The following ZC3H12B variants were observed in gnomAD, a reference collection of about 807,000 sequenced individuals.
ZC3H12B encodes the protein probable ribonuclease ZC3H12B.
In ZC3H12B, 7 loss-of-function variants were observed where a neutral mutation model predicts 43.9. The observed-to-expected ratio is 0.16, with a 90% CI of 0.09 to 0.30. ZC3H12B has a LOEUF of 0.30. Ranked by LOEUF, ZC3H12B falls within the 10% of genes least tolerant of loss-of-function variation. The pLI, the probability that ZC3H12B is intolerant of heterozygous loss-of-function variation, is 1.00. For missense variants in ZC3H12B, 475 were observed against 670.2 expected (o/e 0.71, Z 3.22); for synonymous variants, 222 against 241.7 (o/e 0.92, Z 0.76).
the ZC3H12B span, among the ~76,000 whole-genome samples, chrX:65,118,883 A>T: frequency 9.9e-6 from 1 of 100,604 alleles, no homozygotes; most frequent in South Asian, 4.9e-4. Context: ...CTCACCTATG[A>T]GTGAGAACAT....
chrX:65,476,988 AT>A (rs3065468), intron 3 of ZC3H12B, among the ~76,000 whole-genome samples: 2,662 of 90,524 alleles, frequency 0.029, 44 homozygotes, highest in Middle Eastern at 0.07. Context: ...CTCCTGACTA[AT>A]TTTTTTTTTT....
At chrX:65,349,861 A>T in the ZC3H12B span, among the ~76,000 whole-genome samples, 3 of 112,107 alleles carry the variant, frequency 2.7e-5, no homozygotes, top group African/African-American at 9.7e-5. Context: ...GCATTAATTC[A>T]TAGCCTAACA....
At chrX:65,045,498 A>C in the ZC3H12B span, among the ~76,000 whole-genome samples, 1 of 112,010 alleles carries the variant, frequency 8.9e-6, no homozygotes, top group Admixed American at 9.5e-5. Context: ...GCAACTCCTC[A>C]TCCATTATTG....
intron 2 of ZC3H12B, among the ~76,000 whole-genome samples, chrX:65,384,802 T>C (rs2066498528): frequency 8.9e-6 from 1 of 112,182 alleles, no homozygotes; most frequent in Non-Finnish European, 1.9e-5. Flanking sequence ...AGACTGAAGA[T>C]ACAGGGATGG....
chrX:65,219,079 G>A, the ZC3H12B span, among the ~76,000 whole-genome samples: 25,618 of 110,811 alleles, frequency 0.23, 7,178 homozygotes, highest in African/African-American at 0.8. Flanking sequence ...AATAGCAGTC[G>A]CTGCAGTTTG....
the ZC3H12B span, among the ~76,000 whole-genome samples, chrX:65,110,827 G>A: frequency 1.8e-5 from 2 of 111,082 alleles, no homozygotes; most frequent in African/African-American, 6.5e-5. Context: ...AGGGAAAATT[G>A]ACATATTTCT....
chrX:65,440,441 C>T (rs189579057), intron 3 of ZC3H12B, among the ~76,000 whole-genome samples: 292 of 112,288 alleles, frequency 2.6e-3, no homozygotes, highest in African/African-American at 8.3e-3. Context: ...GCAGTGAATA[C>T]CTCAATTACA....
chrX:65,158,910 A>G, the ZC3H12B span, among the ~76,000 whole-genome samples: 4 of 112,006 alleles, frequency 3.6e-5, no homozygotes, highest in Non-Finnish European at 5.6e-5. Context: ...TTTTAGGTCT[A>G]ACATTTAAGT....
intron 3 of ZC3H12B, among the ~76,000 whole-genome samples, chrX:65,402,451 C>T (rs753901676): frequency 2.7e-5 from 3 of 111,284 alleles, no homozygotes; most frequent in South Asian, 7.7e-4. Context: ...ATTATAGAGT[C>T]CCAGGGCCTT....
intron 2 of ZC3H12B, among the ~76,000 whole-genome samples, chrX:65,391,517 C>A (rs369559354): frequency 9.0e-4 from 100 of 110,602 alleles, no homozygotes; most frequent in African/African-American, 3.0e-3. Context: ...ATGTCAGGTC[C>A]CTGGTTGACT....
the ZC3H12B span, among the ~76,000 whole-genome samples, chrX:65,209,790 C>G: frequency 9.7e-6 from 1 of 102,910 alleles, no homozygotes; most frequent in South Asian, 4.5e-4. Flanking sequence ...TGATCTTTGA[C>G]AAACCTGAGA....
At chrX:65,365,710 G>A (rs759867240), upstream of ZC3H12B, among the ~76,000 whole-genome samples, 7 of 111,245 alleles carry the variant, frequency 6.3e-5, no homozygotes, top group South Asian at 1.9e-3. Context: ...CCTGTGACTT[G>A]CACGTATACA....
At chrX:65,151,438 G>T in the ZC3H12B span, among the ~76,000 whole-genome samples, 8 of 111,809 alleles carry the variant, frequency 7.2e-5, no homozygotes, top group East Asian at 1.7e-3. Flanking sequence ...CAAAATTATT[G>T]TATGTGACAT....
the ZC3H12B span, among the ~76,000 whole-genome samples, chrX:65,080,515 T>A: frequency 9.0e-6 from 1 of 111,091 alleles, no homozygotes. Context: ...CAATGGAATG[T>A]CAAAATATCT....
the ZC3H12B span, among the ~76,000 whole-genome samples, chrX:65,102,994 G>C: frequency 1.2e-3 from 138 of 111,700 alleles, no homozygotes; most frequent in African/African-American, 4.5e-3. Flanking sequence ...CAGGAGCGGG[G>C]TGAAATTAGA....
intron 3 of ZC3H12B, among the ~76,000 whole-genome samples, chrX:65,446,357 C>T (rs2067376360): frequency 8.9e-6 from 1 of 111,924 alleles, no homozygotes; most frequent in Non-Finnish European, 1.9e-5. Context: ...CCGCTGGTGT[C>T]TTACTGGGTC....
rs868837874 is a variant in ZC3H12B at position 65,462,572 on chromosome X, G to T, written n.408-26074G>T. Among the ~76,000 whole-genome samples, 7 of 111,942 alleles carry T rather than the reference G, an allele frequency of 6.3e-5. 1 individual carries two copies. Among genetic ancestry groups the T allele is most frequent in the Non-Finnish European group, 9.4e-5 (5 of 53,173 alleles). ...ATACATTAAAAGTAATGTTTTATTT[G>T]CTCAGAGAACTTAAAAGACATCCCT... On this transcript the variant is annotated intron_variant and non_coding_transcript_variant, in intron 3 of 5. Coordinates refer to the ZC3H12B transcript ENST00000617377.
the ZC3H12B span, among the ~76,000 whole-genome samples, chrX:65,095,715 A>G: frequency 2.7e-5 from 3 of 111,979 alleles, no homozygotes; most frequent in Non-Finnish European, 5.6e-5. Context: ...CCAGAGCCTA[A>G]CTTATTGGGG....
chrX:65,172,489 A>T, the ZC3H12B span, among the ~76,000 whole-genome samples: 1 of 112,270 alleles, frequency 8.9e-6, no homozygotes, highest in East Asian at 2.8e-4. Flanking sequence ...TGTTTTTGTC[A>T]TGAAGACTTT....
Sources: gnomAD v4.1 joint callset for allele counts (sites outside exome capture counted in the v4.1 genomes callset) on GRCh38, gnomAD v4.1.1 for gene constraint, MANE v1.5 for transcripts, NCBI Gene and HGNC (gene_info 2026-07-23, HGNC 2026-07-21) for gene names.